Variants in KCNT2 observed in about 807,000 individuals in gnomAD.
The protein encoded by KCNT2 is potassium channel subfamily T member 2.
In KCNT2, 67 loss-of-function variants were observed where a neutral mutation model predicts 153.8. The observed-to-expected ratio is 0.44, with a 90% CI of 0.36 to 0.53. The LOEUF is 0.53. Ranked by LOEUF, KCNT2 falls within the 20% of genes least tolerant of loss-of-function variation. The pLI is 0.00. For missense variants in KCNT2, 975 were observed against 1,354.8 expected (o/e 0.72, Z 4.40); for synonymous variants, 500 against 458.8 (o/e 1.09, Z -1.15).
Position 196,357,699 on chromosome 1 carries a change from T to C in KCNT2, c.1403+15441A>G, listed in dbSNP as rs73065851. 8.0e-3 allele frequency among the ~76,000 whole-genome samples: 1,210 copies of C among 151,968 alleles called. 19 individuals are homozygous for C. Among genetic ancestry groups the C allele is most frequent in the African/African-American group, 0.028 (1,155 of 41,500 alleles). On this transcript the variant is annotated intron_variant, in intron 14 of 27. Coordinates refer to ENST00000294725, the MANE Select transcript of KCNT2 (RefSeq NM_198503.5). ...TGGATGGCTAGTAGAGGTAGTATTG[T>C]TCTGGGGGCTTTTAGAGGCCAAAGC... is the stretch of plus-strand genomic sequence containing the variant.
intron 21 of KCNT2, among the ~76,000 whole-genome samples, chr1:196,309,481 G>C (rs1303129778): frequency 6.6e-6 from 1 of 151,804 alleles, no homozygotes; most frequent in African/African-American, 2.4e-5. Flanking sequence ...AATTAAATAA[G>C]ACAACATAAT....
chr1:196,274,510 A>G (rs530544324), intron 25 of KCNT2, among the ~76,000 whole-genome samples: 2 of 151,890 alleles, frequency 1.3e-5, no homozygotes, highest in African/African-American at 2.4e-5. Context: ...TTTTACAACC[A>G]GTCAATCCTA....
chr1:196,336,519 T>C (rs953126743), intron 16 of KCNT2, among the ~76,000 whole-genome samples: 1 of 152,168 alleles, frequency 6.6e-6, no homozygotes, highest in Non-Finnish European at 1.5e-5. Context: ...CTGCCTTCCT[T>C]ACTTGCTTGT....
At chr1:196,371,424 T>C (rs1453408844) in intron 14 of KCNT2, among the ~76,000 whole-genome samples, 1 of 151,880 alleles carries the variant, frequency 6.6e-6, no homozygotes, top group Non-Finnish European at 1.5e-5. Context: ...CATTTAATGG[T>C]GATGGTTGGA....
intron 18 of KCNT2, among the ~76,000 whole-genome samples, chr1:196,328,570 C>T (rs1231947987): frequency 1.3e-5 from 2 of 150,976 alleles, no homozygotes; most frequent in Non-Finnish European, 2.9e-5. Flanking sequence ...GGAATGGTAG[C>T]TGACTTTTCA....
intron 16 of KCNT2, among the ~76,000 whole-genome samples, chr1:196,336,635 C>T (rs1251979719): frequency 6.6e-6 from 1 of 152,136 alleles, no homozygotes; most frequent in Non-Finnish European, 1.5e-5. Context: ...ACCATTCTTT[C>T]CCAAACGTAG....
Position 196,298,402 on chromosome 1 carries a change from A to G in KCNT2, c.2595+6832T>C, listed in dbSNP as rs77677058. ...ATTAGCTAAAATAACTCACAGAACA[A>G]CAAAAGCACTATGCATATGATTACA... On this transcript the variant is annotated intron_variant, in intron 22 of 27. Coordinates refer to ENST00000294725, the MANE Select transcript of KCNT2 (RefSeq NM_198503.5). Among the ~76,000 whole-genome samples, 1,041 of 152,288 alleles carry G rather than the reference A, an allele frequency of 6.8e-3. 5 individuals are homozygous for G. Among genetic ancestry groups the G allele is most frequent in the Admixed American group, 0.011 (168 of 15,290 alleles).
Position 196,326,907 on chromosome 1 carries a change from T to C in KCNT2, c.2104-18A>G, listed in dbSNP as rs1460267453. 7.6e-6 allele frequency: 11 copies of C among 1,441,414 alleles called. No homozygotes were observed. The highest frequency in any genetic ancestry group is 1.3e-5 in the South Asian group (1 of 75,022). The allele number at this position is 1,441,414 out of a possible 1,614,324, so 89.3% of individuals were successfully genotyped here. A position where few individuals can be genotyped will look rare whatever the true frequency, so the allele number is the denominator to read the frequency against. ...TGGCAACTCTAGAGAAGAGAAAGTA[T>C]ACATTGAAATGCCATTTGGATACTT... On this transcript the variant is annotated intron_variant, in intron 18 of 27. Coordinates refer to ENST00000294725, the MANE Select transcript of KCNT2 (RefSeq NM_198503.5).
intron 1 of KCNT2, among the ~76,000 whole-genome samples, chr1:196,537,565 C>A (rs978369840): frequency 2.0e-4 from 30 of 152,136 alleles, no homozygotes; most frequent in African/African-American, 7.2e-4. Flanking sequence ...TCTCCCCACG[C>A]CAGGAACCTT....
intron 27 of KCNT2, among the ~76,000 whole-genome samples, chr1:196,231,584 T>G (rs111618104): frequency 0.05 from 7,643 of 151,870 alleles, 283 homozygotes; most frequent in Non-Finnish European, 0.072. Flanking sequence ...TGCTTTATTG[T>G]GGGGTTGGGT....
rs1383893719 is a variant in KCNT2, at chr1:196,468,980, C to T, written c.459+14G>A. 6.5e-7 allele frequency: 1 copy of T among 1,538,248 alleles called. No homozygotes were observed. ...ATTACAAAAGTGTTTTTTTAAGGTT[C>T]TTTTAGGACTTACTGAGATAATGAA... On this transcript the variant is annotated intron_variant, in intron 6 of 27. Coordinates refer to ENST00000294725, the MANE Select transcript of KCNT2 (RefSeq NM_198503.5).
chr1:196,351,413 C>T (rs1344310926), intron 14 of KCNT2, among the ~76,000 whole-genome samples: 1 of 152,068 alleles, frequency 6.6e-6, no homozygotes, highest in Non-Finnish European at 1.5e-5. Context: ...TTGAAGAGGT[C>T]CTTCACGTCC....
chr1:196,282,510 A>G (rs962153583), intron 23 of KCNT2, among the ~76,000 whole-genome samples, 154 bp from the exon 24 acceptor site: 1 of 152,142 alleles, frequency 6.6e-6, no homozygotes, highest in African/African-American at 2.4e-5. Context: ...AATTTAATCT[A>G]TCTTGTTAGT....
chr1:196,370,049 T>C (rs1479589369), intron 14 of KCNT2, among the ~76,000 whole-genome samples: 1 of 151,926 alleles, frequency 6.6e-6, no homozygotes, highest in Non-Finnish European at 1.5e-5. Context: ...AGAATGGCAA[T>C]CATTAAAAAG....
At chr1:196,584,545 A>G (rs1558106463) in intron 1 of KCNT2, among the ~76,000 whole-genome samples, 1 of 152,140 alleles carries the variant, frequency 6.6e-6, no homozygotes, top group Non-Finnish European at 1.5e-5. Context: ...AAAGATTAGC[A>G]GAGAGGGGCA....
At chr1:196,446,158 T>C (rs1675666593) in intron 8 of KCNT2, among the ~76,000 whole-genome samples, 2 of 151,428 alleles carry the variant, frequency 1.3e-5, no homozygotes, top group African/African-American at 4.8e-5. Flanking sequence ...ATTAAGATGC[T>C]ACCATTCAAT....
In KCNT2 at chr1:196,236,050, T is replaced by G; in HGVS notation, c.3232A>C (p.Ser1078Arg). The G allele has an allele frequency of 6.3e-7, 1 of 1,595,356 alleles. No individual in the cohort carries two copies. The highest frequency in any genetic ancestry group is 2.2e-5 in the East Asian group (1 of 44,566). The change falls in exon 27 of 28, where the codon AGT becomes CGT. Residue 1078 changes from serine (S) to arginine (R), a missense_variant. Physicochemically the swap from Ser to Arg is moderately radical, Grantham distance 110. Around this residue, in one of 6 missense-constraint regions of KCNT2, gnomAD observed 241 missense variants for 271.1 expected, o/e 0.89. Coordinates refer to ENST00000294725, the MANE Select transcript of KCNT2 (RefSeq NM_198503.5). ...VGYDEMNDHQSTLSYILINPS... is the reference protein window; with the variant it reads ...VGYDEMNDHQRTLSYILINPS... ...TTAATCAGGATGTAGGAGAGGGTAC[T>G]TTGATGATCATTCATTTCATCTAGA...
intron 13 of KCNT2, among the ~76,000 whole-genome samples, chr1:196,389,685 G>A (rs561508452): frequency 1.6e-4 from 25 of 151,618 alleles, no homozygotes; most frequent in Non-Finnish European, 3.4e-4. Flanking sequence ...CTTGATGAGG[G>A]GAGCTACATA....
intron 18 of KCNT2, among the ~76,000 whole-genome samples, chr1:196,329,383 A>C (rs531493850): frequency 6.6e-6 from 1 of 152,266 alleles, no homozygotes; most frequent in South Asian, 2.1e-4. Context: ...GAGACAGTTA[A>C]TAGTCCTTTG....
Sources: allele counts gnomAD v4.1 joint callset (sites outside exome capture counted in the v4.1 genomes callset), GRCh38; gene constraint gnomAD v4.1.1; regional missense constraint gnomAD v4.1.1; transcripts MANE v1.5; gene names NCBI Gene and HGNC (gene_info 2026-07-23, HGNC 2026-07-21).